Variants in TRPM2 observed in about 807,000 individuals in gnomAD.
TRPM2 encodes the protein estrogen-responsive element-associated gene 1 protein.
Under a neutral mutation model 174.0 loss-of-function variants are expected in TRPM2, and 161 were observed. The ratio of observed to expected loss-of-function variants is 0.93; its 90% CI spans 0.81 to 1.05. The LOEUF (loss-of-function observed/expected upper bound fraction) is 1.05, where lower values mean the gene tolerates loss of function less well. TRPM2 is among the 50% of genes least tolerant of loss of function. TRPM2 has a pLI of 0.00. For missense variants in TRPM2, 2,057 were observed against 2,038.0 expected, an observed-to-expected ratio of 1.01 and a Z score of -0.18; for synonymous variants, 954 against 861.3, an observed-to-expected ratio of 1.11 and a Z score of -1.88.
intron 20 of TRPM2, chr21:44,415,007 G>C (rs1465010478): frequency 6.6e-6 from 1 of 152,286 alleles, no homozygotes; most frequent in Admixed American, 6.5e-5. Flanking sequence ...CGGTTCCCCA[G>C]CCCTAGACGT....
At chr21:44,363,644 T>G (rs973382054) in intron 2 of TRPM2, among the ~76,000 whole-genome samples, 1 of 152,260 alleles carries the variant, frequency 6.6e-6, no homozygotes, top group African/African-American at 2.4e-5. Context: ...CAGATAATTC[T>G]AACATCTGTG....
chr21:44,413,900 T>C lies in TRPM2; in HGVS notation c.2972T>C (p.Phe991Ser). The change falls in exon 20 of 32, where the codon TTC (phenylalanine) becomes TCC (serine). Residue 991 changes from phenylalanine (F) to serine (S), a missense_variant. Phe to Ser is a radical substitution (Grantham distance 155). Transcript: ENST00000397928. The stretch of plus-strand genomic sequence containing the variant: ...CCATTCCCAACGCCAGGTGTGAACT[T>C]CAACCCGGAGCACTGCAGCCCCAAT... ...QIPGYIDGVN[F>S]NPEHCSPNGT... The C allele has an allele frequency of 6.2e-7, 1 of 1,611,392 alleles. No homozygotes were observed. The highest frequency in any genetic ancestry group is 8.5e-7 in the Non-Finnish European group (1 of 1,177,904).
chr21:44,429,119 A>G (rs191727484), intron 27 of TRPM2, among the ~76,000 whole-genome samples: 105 of 152,278 alleles, frequency 6.9e-4, no homozygotes, highest in Middle Eastern at 3.4e-3. Context: ...TGAGTCTTCT[A>G]TGACTGTATT....
At chr21:44,426,118 C>T (rs1334779200) in intron 25 of TRPM2, among the ~76,000 whole-genome samples, 3 of 152,114 alleles carry the variant, frequency 2.0e-5, no homozygotes, top group Admixed American at 6.5e-5. Context: ...GCCCAGCCCC[C>T]CGGCCCCATT....
In TRPM2 at chr21:44,391,080, C is replaced by A; in HGVS notation, c.1440+55C>A. On this transcript the variant is annotated intron_variant, in intron 10 of 31. Transcript: ENST00000397928. This position sits in a 1 kb window ranked among gnomAD's most constrained non-coding sequence, Gnocchi z 5.0. ...GCCTACTGGGCCCACATGCATTGCA[C>A]CACTGAAGCAAGGGCAGGCAAAGTT... The A allele has an allele frequency of 6.2e-7, 1 of 1,607,858 alleles. No individual in the cohort carries two copies. The highest frequency in any genetic ancestry group is 1.1e-5 in the South Asian group (1 of 90,868).
rs2049531654 is a variant in TRPM2 at position 44,399,311 on chromosome 21, G to A, written c.2078G>A (p.Cys693Tyr). The change falls in exon 14 of 32, where the codon TGC becomes TAC. Residue 693 changes from cysteine (C) to tyrosine (Y), a missense_variant. Coordinates refer to ENST00000397928, the MANE Select transcript of TRPM2 (RefSeq NM_003307.4). The surrounding 1 kb of genome is among the most constrained non-coding windows in gnomAD (Gnocchi z 4.6). ...EHRAIGVFTE[C>Y]YRKDEERAQK... The stretch of plus-strand genomic sequence containing the variant: ...CTCCGCCCAGGGGTCTTCACCGAGT[G>A]CTACCGGAAGGACGAAGAGAGAGCC... The A allele has an allele frequency of 2.5e-6, 4 of 1,612,542 alleles. 1 individual carries two copies. Among genetic ancestry groups the A allele is most frequent in the Middle Eastern group, 3.3e-4 (2 of 6,084 alleles).
rs567417562 is a variant in TRPM2 at position 44,426,167 on chromosome 21, C to T, written c.3795+340C>T. The stretch of plus-strand genomic sequence containing the variant: ...CCCTGGTCCTAGACCCCACCCACCC[C>T]GGTGAATGGCTCTGGCCCCTTTCCA... On this transcript the variant is annotated intron_variant, in intron 25 of 31. Coordinates refer to ENST00000397928, the MANE Select transcript of TRPM2 (RefSeq NM_003307.4). 1.7e-3 allele frequency among the ~76,000 whole-genome samples: 253 copies of T among 151,656 alleles called. 1 individual carries two copies. Among genetic ancestry groups the T allele is most frequent in the Middle Eastern group, 7.0e-3 (2 of 284 alleles).
intron 27 of TRPM2, among the ~76,000 whole-genome samples, chr21:44,427,590 C>T (rs1334177910): frequency 6.6e-6 from 1 of 152,174 alleles, no homozygotes; most frequent in Non-Finnish European, 1.5e-5. Context: ...TGAGCACCTA[C>T]AAGTGCCCTG....
intron 7 of TRPM2, 70 bp downstream of exon 7, chr21:44,377,843 T>C: frequency 6.4e-7 from 1 of 1,563,754 alleles, no homozygotes; most frequent in Non-Finnish European, 8.7e-7. Context: ...TGTCCAAAAG[T>C]GCTTGTCTCA....
rs2051420675 is a variant in TRPM2 at position 44,439,728 on chromosome 21, T to C, written c.4269+560T>C. On this transcript the variant is annotated intron_variant, in intron 30 of 31. Transcript: ENST00000397928. The surrounding 1 kb of genome is among the most constrained non-coding windows in gnomAD (Gnocchi z 5.1). ...AAATGCATGCACACTTTTTTTTTAA[T>C]TTTTATTTTTGGAAACAAGGTCTTA... 6.6e-6 allele frequency among the ~76,000 whole-genome samples: 1 copy of C among 152,180 alleles called. No individual in the cohort carries two copies. Among genetic ancestry groups the C allele is most frequent in the South Asian group, 2.1e-4 (1 of 4,832 alleles).
At position 44,354,539 on chromosome 21, in the gene TRPM2, T is replaced by A. The variant is rs1238891663; in HGVS notation, c.166-109T>A. 1.0e-6 allele frequency: 1 copy of A among 989,310 alleles called. No homozygotes were observed. The highest frequency in any genetic ancestry group is 1.6e-5 in the African/African-American group (1 of 61,870). The allele number at this position is 989,310 out of a possible 1,614,324, so 61.3% of individuals were successfully genotyped here. On this transcript the variant is annotated intron_variant, in intron 1 of 31. Coordinates refer to ENST00000397928, the MANE Select transcript of TRPM2 (RefSeq NM_003307.4). The surrounding 1 kb of genome is among the most constrained non-coding windows in gnomAD (Gnocchi z 4.3). Reference sequence around the variant, plus strand: ...CTCAGGGTCGCGCAGGCTTCCTTCCTTCAAGCAAATAGTGTGAAAGCTCCT... The same window carrying A: ...CTCAGGGTCGCGCAGGCTTCCTTCCATCAAGCAAATAGTGTGAAAGCTCCT...
At chr21:44,375,218 C>T (rs1333199303) in intron 5 of TRPM2, among the ~76,000 whole-genome samples, 2 of 152,352 alleles carry the variant, frequency 1.3e-5, no homozygotes, top group East Asian at 3.9e-4. Context: ...CTCCGCAAGG[C>T]CTTTAATACC....
intron 16 of TRPM2, among the ~76,000 whole-genome samples, chr21:44,402,578 G>C (rs1404363061): frequency 1.3e-5 from 2 of 152,122 alleles, no homozygotes; most frequent in Non-Finnish European, 2.9e-5. Flanking sequence ...AGGTCAAACT[G>C]AAAACTGCCC....
intron 27 of TRPM2, 122 bp downstream of exon 27, chr21:44,427,233 C>T: frequency 1.2e-6 from 1 of 841,428 alleles, no homozygotes; most frequent in Non-Finnish European, 1.8e-6. Context: ...AGCACGTGAG[C>T]CACCGAAAGG....
At chr21:44,355,438 C>T (rs559809966) in intron 2 of TRPM2, among the ~76,000 whole-genome samples, 8 of 152,250 alleles carry the variant, frequency 5.3e-5, no homozygotes, top group Non-Finnish European at 1.0e-4. Flanking sequence ...CCTCCTTTTA[C>T]TCCATTGCCT....
rs368752091 is a variant in TRPM2 at position 44,413,096 on chromosome 21, G to T, written c.2963-795G>T. Among the ~76,000 whole-genome samples the T allele has an allele frequency of 5.1e-4, 78 of 152,026 alleles. 1 individual carries two copies. The highest frequency in any genetic ancestry group is 1.8e-3 in the African/African-American group (75 of 41,488). The stretch of plus-strand genomic sequence containing the variant: ...TCAATAGCCCTTACTTTCTATGCAC[G>T]CAGGACGCTATTTTTCTTCACAATC... On this transcript the variant is annotated intron_variant, in intron 19 of 31. Transcript: ENST00000397928.
intron 11 of TRPM2, among the ~76,000 whole-genome samples, chr21:44,394,159 G>C (rs530762954): frequency 6.6e-6 from 1 of 151,998 alleles, no homozygotes; most frequent in Admixed American, 6.6e-5. Context: ...GTGAGCCACC[G>C]TGCCAGGCCG....
At chr21:44,378,924 G>T (rs2048788642) in intron 7 of TRPM2, 73 bp from the exon 8 acceptor site, 3 of 1,513,558 alleles carry the variant, frequency 2.0e-6, no homozygotes, top group Non-Finnish European at 1.8e-6. Context: ...TGGCCTTGGA[G>T]AATTCTCCAT....
At chr21:44,423,382 C>T in intron 22 of TRPM2, 1 of 476,270 alleles carries the variant, frequency 2.1e-6, no homozygotes, top group Non-Finnish European at 3.9e-6. Flanking sequence ...TCACCTCCCC[C>T]TCTCTCCTGG....
Sources: gnomAD v4.1 joint callset for allele counts (sites outside exome capture counted in the v4.1 genomes callset) on GRCh38, gnomAD v4.1.1 for gene constraint, Gnocchi (gnomAD v3.1) non-coding constraint, MANE v1.5 for transcripts, NCBI Gene and HGNC (gene_info 2026-07-23, HGNC 2026-07-21) for gene names.